TSG101: variants seen among roughly 807,000 people sequenced by gnomAD.
TSG101 encodes tumor susceptibility 101, also known as tumor susceptibility gene 101 protein.
TSG101 carries 19 observed loss-of-function variants against 48.5 expected under a neutral mutation model. That is an observed-to-expected ratio of 0.39 (90% CI 0.27 to 0.58). The LOEUF (loss-of-function observed/expected upper bound fraction) is 0.58. Among genes scored for constraint, TSG101 ranks in the 20% least tolerant of loss-of-function variants. The pLI is 0.55. For synonymous variants in TSG101, 174 were observed against 169.4 expected (o/e 1.03, Z -0.21); for missense variants, 365 against 484.4 (o/e 0.75, Z 2.31).
At chr11:18,490,224 C>A (rs1849679070) in intron 7 of TSG101, 5 of 498,988 alleles carry the variant, frequency 1.0e-5, no homozygotes, top group Admixed American at 2.3e-5. Flanking sequence ...TTACAAAGCA[C>A]AAGAAACATT....
chr11:18,488,497 C>A (rs16935479), intron 7 of TSG101, among the ~76,000 whole-genome samples: 8,129 of 152,154 alleles, frequency 0.053, 243 homozygotes, highest in Non-Finnish European at 0.065. Context: ...GTGAGGGGCA[C>A]TAAAAAGCAT....
intron 2 of TSG101, among the ~76,000 whole-genome samples, 173 bp downstream of exon 2, chr11:18,519,346 A>T (rs912788840): frequency 2.6e-4 from 40 of 152,168 alleles, no homozygotes; most frequent in Admixed American, 2.5e-3. Context: ...CTAAAGAAAT[A>T]TGAAATGTTT....
intron 8 of TSG101, among the ~76,000 whole-genome samples, chr11:18,483,135 C>G (rs1431055358): frequency 1.3e-5 from 2 of 152,078 alleles, no homozygotes; most frequent in African/African-American, 4.8e-5. Flanking sequence ...CTCACAAGAT[C>G]TGATGGGTTT....
chr11:18,500,530 G>C (rs1032532320), intron 7 of TSG101, among the ~76,000 whole-genome samples: 2 of 151,822 alleles, frequency 1.3e-5, no homozygotes, highest in African/African-American at 4.8e-5. Flanking sequence ...ATTCAAACTG[G>C]GATAAGATTA....
At chr11:18,490,964 T>C in intron 7 of TSG101, 2 of 280,876 alleles carry the variant, frequency 7.1e-6, no homozygotes, top group East Asian at 8.5e-5. Flanking sequence ...GTCGTTCCCG[T>C]GGGAGGGCTG....
intron 1 of TSG101, among the ~76,000 whole-genome samples, chr11:18,520,466 C>T (rs1850251543): frequency 6.6e-6 from 1 of 152,124 alleles, no homozygotes; most frequent in African/African-American, 2.4e-5. Flanking sequence ...CTCAAGCAAT[C>T]CTCCTGCCTC....
At chr11:18,484,907 G>C (rs1245104148) in intron 7 of TSG101, among the ~76,000 whole-genome samples, 1 of 144,616 alleles carries the variant, frequency 6.9e-6, no homozygotes, top group South Asian at 2.2e-4. Context: ...ACGTGAGGAC[G>C]TTAAGTATAT....
intron 1 of TSG101, among the ~76,000 whole-genome samples, chr11:18,524,139 C>T (rs1565097059): frequency 1.3e-5 from 2 of 152,110 alleles, no homozygotes; most frequent in African/African-American, 4.8e-5. Flanking sequence ...TCTAGAAATG[C>T]TGTAGATAAA....
intron 7 of TSG101, among the ~76,000 whole-genome samples, chr11:18,489,157 AT>A (rs1261516691): frequency 6.6e-6 from 1 of 152,000 alleles, no homozygotes; most frequent in African/African-American, 2.4e-5. Flanking sequence ...TGATTTCAAA[AT>A]TTAAAAGCCC....
chr11:18,514,027 G>A (rs1402085415), intron 4 of TSG101, among the ~76,000 whole-genome samples: 1 of 151,852 alleles, frequency 6.6e-6, no homozygotes, highest in African/African-American at 2.4e-5. Context: ...GAGGTTGTAA[G>A]TGAGCTGAGA....
At chr11:18,520,322 C>G (rs746850073) in intron 1 of TSG101, among the ~76,000 whole-genome samples, 6 of 152,182 alleles carry the variant, frequency 3.9e-5, no homozygotes, top group Admixed American at 6.5e-5. Flanking sequence ...CTCCTGGGCT[C>G]AAGTGATTCT....
At chr11:18,522,445 G>A (rs1318668195) in intron 1 of TSG101, among the ~76,000 whole-genome samples, 1 of 152,110 alleles carries the variant, frequency 6.6e-6, no homozygotes, top group Non-Finnish European at 1.5e-5. Context: ...CACATCCACA[G>A]CAAATCTGTC....
At chr11:18,492,860 C>G (rs1370916058) in intron 7 of TSG101, among the ~76,000 whole-genome samples, 1 of 151,324 alleles carries the variant, frequency 6.6e-6, no homozygotes, top group Non-Finnish European at 1.5e-5. Context: ...AAAAACTCAT[C>G]AAAGTTCAAA....
At position 18,526,888 on chromosome 11, in the gene TSG101, A is replaced by G. The variant is rs1850387662; in HGVS notation, c.-72T>C. On this transcript the variant is annotated 5_prime_UTR_variant, in exon 1 of 10. Transcript: ENST00000251968. ...CTGCTGGGCTGCCCCAGACCGTCCCACACAATCGCACACCCCCAACCCGGC... is the reference window on the plus strand; with the variant it reads ...CTGCTGGGCTGCCCCAGACCGTCCCGCACAATCGCACACCCCCAACCCGGC... The G allele has an allele frequency of 3.3e-6, 5 of 1,509,704 alleles. No individual in the cohort carries two copies. Among genetic ancestry groups the G allele is most frequent in the Non-Finnish European group, 9.0e-7 (1 of 1,116,908 alleles). The allele number at this position is 1,509,704 out of a possible 1,614,324, so 93.5% of individuals were successfully genotyped here. A position where few individuals can be genotyped will look rare whatever the true frequency, so the allele number is the denominator to read the frequency against.
intron 7 of TSG101, among the ~76,000 whole-genome samples, chr11:18,489,499 C>CA (rs1188248258): frequency 6.6e-6 from 1 of 152,152 alleles, no homozygotes; most frequent in Non-Finnish European, 1.5e-5. Flanking sequence ...AAAATAGATT[C>CA]CATTATTGAA....
chr11:18,524,253 C>CA (rs1850329509), intron 1 of TSG101, among the ~76,000 whole-genome samples: 1 of 152,052 alleles, frequency 6.6e-6, no homozygotes, highest in Non-Finnish European at 1.5e-5. Flanking sequence ...CTGTTAATTG[C>CA]AAAAATAACA....
chr11:18,480,378 C>T lies in TSG101; in HGVS notation c.*168G>A, dbSNP rs1259460467. On this transcript the variant is annotated 3_prime_UTR_variant, in exon 10 of 10. Coordinates refer to ENST00000251968, the MANE Select transcript of TSG101 (RefSeq NM_006292.4). ...AAAAGTTTACAGAGGATAGAAAGTGCATTAATAAAAGCCAGTCTTTACCAA... is the reference window on the plus strand; with the variant it reads ...AAAAGTTTACAGAGGATAGAAAGTGTATTAATAAAAGCCAGTCTTTACCAA... The T allele has an allele frequency of 6.0e-6, 3 of 504,162 alleles. No individual in the cohort carries two copies. Among genetic ancestry groups the T allele is most frequent in the Non-Finnish European group, 1.0e-5 (3 of 289,138 alleles). 31.2% of individuals were successfully genotyped at this position (504,162 alleles called of 1,614,324 possible).
chr11:18,487,431 A>G (rs1009917526), intron 7 of TSG101, among the ~76,000 whole-genome samples: 6 of 152,206 alleles, frequency 3.9e-5, no homozygotes, highest in African/African-American at 1.4e-4. Context: ...CAACAAATTC[A>G]AAGGATTAGA....
chr11:18,525,134 C>T (rs1042126323), intron 1 of TSG101, among the ~76,000 whole-genome samples: 2 of 151,988 alleles, frequency 1.3e-5, no homozygotes, highest in Admixed American at 6.6e-5. Flanking sequence ...GTCTTGAACT[C>T]GTGACCTCAG....
Sources: gnomAD v4.1 joint callset for allele counts (sites outside exome capture counted in the v4.1 genomes callset) on GRCh38, gnomAD v4.1.1 for gene constraint, MANE v1.5 for transcripts, NCBI Gene and HGNC (gene_info 2026-07-23, HGNC 2026-07-21) for gene names.